The following RNF150 variants were observed in gnomAD, a reference collection of about 807,000 sequenced individuals.
RNF150 encodes the protein ring finger protein 150.
RNF150 carries 24 observed loss-of-function variants against 39.3 expected under a neutral mutation model. The ratio of observed to expected loss-of-function variants is 0.61; its 90% CI spans 0.44 to 0.86. The LOEUF is 0.86. Ranked by LOEUF, RNF150 falls within the 40% of genes least tolerant of loss-of-function variation. The pLI is 0.00. For missense variants in RNF150, 502 were observed against 587.8 expected (o/e 0.85, Z 1.51); for synonymous variants, 255 against 227.3 (o/e 1.12, Z -1.10).
At chr4:141,158,367 T>C (rs575513433) in intron 1 of RNF150, among the ~76,000 whole-genome samples, 9 of 152,186 alleles carry the variant, frequency 5.9e-5, no homozygotes, top group Non-Finnish European at 1.3e-4. Context: ...TTCTGTAATC[T>C]TTTTTCAGGA....
rs140371934 is a variant in RNF150, at chr4:141,097,288, G to A, written c.484+35037C>T. Among the ~76,000 whole-genome samples the A allele has an allele frequency of 8.3e-4, 127 of 152,286 alleles. 2 individuals are homozygous for A. The highest frequency in any genetic ancestry group is 2.7e-3 in the African/African-American group (113 of 41,540). On this transcript the variant is annotated intron_variant, in intron 1 of 6. Transcript: ENST00000515673. ...CCCTAGGTCCTGACAGCTGTTGATT[G>A]AATGCATTTCTCTGCTTTGCAGCTC...
chr4:141,185,789 A>G (rs987525871), intron 1 of RNF150, among the ~76,000 whole-genome samples: 16 of 152,202 alleles, frequency 1.1e-4, no homozygotes, highest in African/African-American at 3.4e-4. Context: ...TGAGATAATC[A>G]TGTGGTTTTT....
intron 1 of RNF150, among the ~76,000 whole-genome samples, chr4:141,045,478 T>C (rs1351547113): frequency 2.6e-5 from 4 of 152,198 alleles, no homozygotes; most frequent in Non-Finnish European, 5.9e-5. Context: ...CTGACTCTTT[T>C]AAATTTAGGA....
At chr4:141,109,216 C>T (rs1035490534) in intron 1 of RNF150, among the ~76,000 whole-genome samples, 8 of 152,030 alleles carry the variant, frequency 5.3e-5, no homozygotes, top group African/African-American at 1.9e-4. Flanking sequence ...TCTCTTTGTT[C>T]CTATTGCACC....
chr4:140,912,489 T>C (rs996866404), intron 5 of RNF150, among the ~76,000 whole-genome samples: 7 of 152,176 alleles, frequency 4.6e-5, no homozygotes, highest in African/African-American at 1.2e-4. Context: ...AATGATTGAA[T>C]TAATATCACA....
intron 1 of RNF150, among the ~76,000 whole-genome samples, chr4:141,127,838 T>TC (rs1726791212): frequency 6.6e-6 from 1 of 152,072 alleles, no homozygotes; most frequent in South Asian, 2.1e-4. Flanking sequence ...AACACACTCT[T>TC]TAAAAAAGAA....
chr4:141,071,918 G>A (rs143425201), intron 1 of RNF150, among the ~76,000 whole-genome samples: 1 of 152,150 alleles, frequency 6.6e-6, no homozygotes. Context: ...GGGGGAAAAA[G>A]AATCAAGTGC....
chr4:141,033,203 T>C (rs1329514564), intron 1 of RNF150, among the ~76,000 whole-genome samples: 1 of 152,228 alleles, frequency 6.6e-6, no homozygotes, highest in Non-Finnish European at 1.5e-5. Flanking sequence ...TAATGTAACA[T>C]TCTAAATCCT....
chr4:140,978,351 C>T (rs1733741106), intron 1 of RNF150, among the ~76,000 whole-genome samples: 1 of 152,134 alleles, frequency 6.6e-6, no homozygotes, highest in African/African-American at 2.4e-5. Flanking sequence ...AATTTAAAAA[C>T]ATATTTAAAG....
Position 140,911,181 on chromosome 4 carries a change from G to A in RNF150, c.1161C>T (p.Pro387=), listed in dbSNP as rs1730584559. ...GALQVVQDTD[P]IPQEGDVIFT... ...AGATGACGTCTCCCTCCTGGGGGAT[G>A]GGGTCTGTATCCTGGACCACCTGCA... Residue 387 remains proline (P), a synonymous_variant, in exon 6 of 7, where the codon CCC becomes CCT. Coordinates refer to ENST00000515673, the MANE Select transcript of RNF150 (RefSeq NM_020724.2). 6.2e-7 allele frequency: 1 copy of A among 1,614,026 alleles called. No homozygotes were observed. Among genetic ancestry groups the A allele is most frequent in the Admixed American group, 1.7e-5 (1 of 60,002 alleles).
At chr4:141,095,336 G>A (rs1738731910) in intron 1 of RNF150, among the ~76,000 whole-genome samples, 1 of 152,124 alleles carries the variant, frequency 6.6e-6, no homozygotes, top group Non-Finnish European at 1.5e-5. Context: ...AATATGACAG[G>A]AAGAAGGCCC....
intron 1 of RNF150, among the ~76,000 whole-genome samples, chr4:141,076,115 A>T (rs1030827167): frequency 3.3e-5 from 5 of 151,948 alleles, no homozygotes; most frequent in Non-Finnish European, 7.3e-5. Flanking sequence ...GAACAACTCT[A>T]AAGATTTCTG....
intron 1 of RNF150, among the ~76,000 whole-genome samples, chr4:141,047,248 T>C (rs1736615082): frequency 6.6e-6 from 1 of 152,178 alleles, no homozygotes; most frequent in Non-Finnish European, 1.5e-5. Context: ...TTTTTACATA[T>C]GTTAAAACGC....
chr4:141,117,155 T>C (rs190867292), intron 1 of RNF150, among the ~76,000 whole-genome samples: 2 of 152,184 alleles, frequency 1.3e-5, no homozygotes, highest in East Asian at 1.9e-4. Context: ...TAAAAAAATA[T>C]ATACGTACAA....
chr4:141,177,057 A>G (rs1192313127), intron 1 of RNF150, among the ~76,000 whole-genome samples: 4 of 119,084 alleles, frequency 3.4e-5, no homozygotes, highest in African/African-American at 2.6e-4. Context: ...CTCCTAGGAA[A>G]AAAAAAAAAA....
intron 5 of RNF150, among the ~76,000 whole-genome samples, chr4:140,918,156 T>C (rs1730926300): frequency 6.6e-6 from 1 of 151,886 alleles, no homozygotes; most frequent in Non-Finnish European, 1.5e-5. Context: ...GCAAACACAT[T>C]TGAAAGCTAG....
intron 1 of RNF150, among the ~76,000 whole-genome samples, chr4:141,195,215 T>A (rs1482032201): frequency 6.6e-6 from 1 of 151,986 alleles, no homozygotes. Context: ...CCACTGGGGA[T>A]CCTGATGTAG....
At chr4:140,921,400 C>G (rs1297830021) in intron 5 of RNF150, among the ~76,000 whole-genome samples, 4 of 152,088 alleles carry the variant, frequency 2.6e-5, no homozygotes, top group African/African-American at 9.7e-5. Flanking sequence ...CACATACACT[C>G]TCCCAAGACT....
chr4:140,998,873 C>A (rs1034771483), intron 1 of RNF150, among the ~76,000 whole-genome samples: 1 of 152,060 alleles, frequency 6.6e-6, no homozygotes, highest in African/African-American at 2.4e-5. Flanking sequence ...TATGTCACTA[C>A]CAAGAGTCAA....
Sources: allele counts gnomAD v4.1 joint callset (sites outside exome capture counted in the v4.1 genomes callset), GRCh38; gene constraint gnomAD v4.1.1; transcripts MANE v1.5; gene names NCBI Gene and HGNC (gene_info 2026-07-23, HGNC 2026-07-21).